The following MRPS6 variants were observed in gnomAD, a reference collection of about 807,000 sequenced individuals.
MRPS6 encodes small ribosomal subunit protein bS6m.
MRPS6 carries 6 observed loss-of-function variants against 13.1 expected under a neutral mutation model. That is an observed-to-expected ratio of 0.46 (90% confidence interval 0.25 to 0.91). The LOEUF is 0.91. Among genes scored for constraint, MRPS6 ranks in the 40% least tolerant of loss-of-function variants. The probability of loss-of-function intolerance (pLI) is 0.18; values close to 1 mark genes in which losing one functional copy is unlikely to be tolerated. For synonymous variants in MRPS6, 61 were observed against 56.5 expected (o/e 1.08, Z -0.36); for missense variants, 164 against 155.6 (o/e 1.05, Z -0.29).
intron 1 of MRPS6, chr21:34,099,629 A>T: frequency 1.0e-6 from 1 of 998,622 alleles, no homozygotes; most frequent in Non-Finnish European, 1.2e-6. Context: ...TTTATTTAAC[A>T]TTGAGTCCTA....
chr21:34,106,153 C>CA, intron 1 of MRPS6: 1 of 991,640 alleles, frequency 1.0e-6, no homozygotes, highest in Non-Finnish European at 1.2e-6. Context: ...ACATTTCTTG[C>CA]AAAGTACATT....
In MRPS6 at chr21:34,090,878, C is replaced by T. The variant is rs12482054; in HGVS notation, c.45+17133C>T. 7.4e-3 allele frequency among the ~76,000 whole-genome samples: 1,130 copies of T among 152,286 alleles called. 27 individuals are homozygous for T. The highest frequency in any genetic ancestry group is 0.05 in the East Asian group (260 of 5,178). ...AAAACTGTGCTGTTTTCTTCTGTAC[C>T]GTGCCACCTACATAGATGTGGTACC... On this transcript the variant is annotated intron_variant, in intron 1 of 2. Coordinates refer to ENST00000399312, the MANE Select transcript of MRPS6 (RefSeq NM_032476.4).
At chr21:34,108,853 T>G in intron 1 of MRPS6, among the ~76,000 whole-genome samples, 1 of 152,088 alleles carries the variant, frequency 6.6e-6, no homozygotes, top group Non-Finnish European at 1.5e-5. Context: ...TTGACAAAAG[T>G]TTTTCTTGGA....
chr21:34,100,829 G>T (rs940821675), intron 1 of MRPS6: 8 of 1,000,116 alleles, frequency 8.0e-6, no homozygotes, highest in Non-Finnish European at 9.6e-6. Flanking sequence ...GGTGTGGCCT[G>T]TGGGTTATTT....
intron 2 of MRPS6, among the ~76,000 whole-genome samples, chr21:34,138,719 A>G (rs1481823537): frequency 6.6e-6 from 1 of 152,182 alleles, no homozygotes; most frequent in East Asian, 1.9e-4. Flanking sequence ...AGGAATAGGA[A>G]CACTTTTACA....
chr21:34,095,281 T>C, intron 1 of MRPS6: 2 of 1,614,178 alleles, frequency 1.2e-6, no homozygotes, highest in Non-Finnish European at 8.5e-7. Flanking sequence ...TTTTTTGCCA[T>C]GTGGAAATCT....
At chr21:34,128,805 G>C (rs1485852178) in intron 2 of MRPS6, among the ~76,000 whole-genome samples, 1 of 152,186 alleles carries the variant, frequency 6.6e-6, no homozygotes, top group Non-Finnish European at 1.5e-5. Flanking sequence ...TTTTGAAAAT[G>C]CAATTCAGTG....
At chr21:34,119,991 G>T (rs938697590) in intron 1 of MRPS6, among the ~76,000 whole-genome samples, 3 of 152,136 alleles carry the variant, frequency 2.0e-5, no homozygotes, top group Admixed American at 1.3e-4. Context: ...TCAAAATATG[G>T]TTTGAGGACT....
chr21:34,132,350 C>G (rs1422328444), intron 2 of MRPS6, among the ~76,000 whole-genome samples: 1 of 152,180 alleles, frequency 6.6e-6, no homozygotes, highest in African/African-American at 2.4e-5. Flanking sequence ...AGTCTTTGCC[C>G]ACATCAGCCC....
intron 1 of MRPS6, chr21:34,097,807 A>T (rs1166521156): frequency 2.0e-6 from 2 of 999,962 alleles, no homozygotes; most frequent in Non-Finnish European, 2.4e-6. Flanking sequence ...GACATTGTAC[A>T]ATCAGTTATG....
rs550723289 is a variant in MRPS6, at chr21:34,109,035, G to A, written c.46-16306G>A. ...TTTTCATCTCTTTGCTCTTTCTAGG[G>A]CAGTTTCTAAACTTTATCTTCCAAC... On this transcript the variant is annotated intron_variant, in intron 1 of 2. Transcript: ENST00000399312. Among the ~76,000 whole-genome samples the A allele has an allele frequency of 1.4e-4, 21 of 152,160 alleles. No homozygotes were observed. The South Asian group carries it at 2.1e-3, about 15-fold the overall frequency.
At chr21:34,078,962 CCTTA>C (rs1427404569) in intron 1 of MRPS6, among the ~76,000 whole-genome samples, 2 of 152,144 alleles carry the variant, frequency 1.3e-5, no homozygotes, top group African/African-American at 2.4e-5. Context: ...TTAGGGGAAT[CCTTA>C]CTTAAGGAAT....
intron 1 of MRPS6, among the ~76,000 whole-genome samples, chr21:34,088,025 G>T (rs1978484784): frequency 6.6e-6 from 1 of 152,110 alleles, no homozygotes; most frequent in South Asian, 2.1e-4. Context: ...CACATTTTTT[G>T]GGCAAGAGCA....
chr21:34,099,343 C>T, intron 1 of MRPS6: 1 of 1,000,164 alleles, frequency 1.0e-6, no homozygotes, highest in South Asian at 4.7e-5. Flanking sequence ...CAAATCTGGA[C>T]TCATGGTTTG....
At chr21:34,100,620 T>G in intron 1 of MRPS6, 3 of 1,000,170 alleles carry the variant, frequency 3.0e-6, no homozygotes, top group Non-Finnish European at 3.6e-6. Context: ...CTCAAGAAAT[T>G]AGCTGGGACC....
intron 1 of MRPS6, among the ~76,000 whole-genome samples, chr21:34,111,849 T>G (rs1349830698): frequency 1.3e-5 from 2 of 151,734 alleles, no homozygotes; most frequent in Non-Finnish European, 2.9e-5. Context: ...GTTGAGGTTT[T>G]TTTTTTTTTT....
intron 1 of MRPS6, among the ~76,000 whole-genome samples, chr21:34,089,798 A>T (rs1489429576): frequency 6.6e-6 from 1 of 152,194 alleles, no homozygotes; most frequent in Non-Finnish European, 1.5e-5. Flanking sequence ...GAGTCCAATC[A>T]GGGTTTTGTA....
chr21:34,125,462 A>G lies in MRPS6; in HGVS notation c.167A>G (p.Gln56Arg), dbSNP rs1222934432. 8 of 1,613,952 alleles carry G rather than the reference A, an allele frequency of 5.0e-6. No homozygotes were observed. The highest frequency in any genetic ancestry group is 6.8e-6 in the Non-Finnish European group (8 of 1,179,938). ...ALPYRISAHS[Q>R]QHNRGGYFLV... is the part of the protein sequence containing the mutation. ...CCTTATAGGATCTCTGCCCACAGTC[A>G]GCAGCACAACAGAGGCGGGTAAGTT... Residue 56 changes from glutamine (Q) to arginine (R), a missense_variant, in exon 2 of 3, where the codon CAG (glutamine) becomes CGG (arginine). Physicochemically the swap from Gln to Arg is conservative, Grantham distance 43 (BLOSUM62 1). Transcript: ENST00000399312.
chr21:34,132,239 G>A (rs963638660), intron 2 of MRPS6, among the ~76,000 whole-genome samples: 8 of 152,184 alleles, frequency 5.3e-5, no homozygotes, highest in African/African-American at 1.9e-4. Context: ...ATACAGTAAG[G>A]TCTGCCTGTC....
Sources: gnomAD v4.1 joint callset for allele counts (sites outside exome capture counted in the v4.1 genomes callset) on GRCh38, gnomAD v4.1.1 for gene constraint, MANE v1.5 for transcripts, NCBI Gene and HGNC (gene_info 2026-07-23, HGNC 2026-07-21) for gene names.